The following CDH15 variants were observed in gnomAD, a reference collection of about 807,000 sequenced individuals.
CDH15 encodes cadherin-15.
Under a neutral mutation model 69.4 loss-of-function variants are expected in CDH15, and 73 were observed. That is an observed-to-expected ratio of 1.05 (90% CI 0.87 to 1.28). CDH15 has a LOEUF of 1.28. CDH15 is among the 50% of genes most tolerant of loss of function. The probability of loss-of-function intolerance (pLI) is 0.00; values close to 1 mark genes in which losing one functional copy is unlikely to be tolerated. For synonymous variants in CDH15, 624 were observed against 507.7 expected, an observed-to-expected ratio of 1.23 and a Z score of -3.08; for missense variants, 1,343 against 1,133.6, an observed-to-expected ratio of 1.18 and a Z score of -2.65.
chr16:89,179,821 G>A (rs1229589555), intron 2 of CDH15, among the ~76,000 whole-genome samples: 2 of 152,342 alleles, frequency 1.3e-5, no homozygotes, highest in African/African-American at 2.4e-5. Flanking sequence ...CGCCTCGGGT[G>A]GACATACTCC....
intron 2 of CDH15, 53 bp from the exon 3 acceptor site, chr16:89,180,147 G>A: frequency 1.3e-6 from 2 of 1,599,894 alleles, no homozygotes; most frequent in Non-Finnish European, 1.7e-6. Flanking sequence ...TGCAGAGAGG[G>A]CAGAGGCCCC....
intron 1 of CDH15, among the ~76,000 whole-genome samples, chr16:89,173,811 C>T (rs1255781936): frequency 6.6e-6 from 1 of 152,186 alleles, no homozygotes; most frequent in Non-Finnish European, 1.5e-5. Context: ...CAGAACTGGC[C>T]CCTCTCAGCC....
rs766439028 is a variant in CDH15 at position 89,171,798 on chromosome 16, G to C, written c.-34G>C. 1.3e-6 allele frequency: 2 copies of C among 1,544,966 alleles called. No homozygotes were observed. Among genetic ancestry groups the C allele is most frequent in the Non-Finnish European group, 1.7e-6 (2 of 1,148,380 alleles). ...CCTGGACGCGCTTCTTCGGGTCGCG[G>C]GTGCACTCCGGCCCGGCTCCCGCCT... On this transcript the variant is annotated 5_prime_UTR_variant, in exon 1 of 14. Coordinates refer to ENST00000289746, the MANE Select transcript of CDH15 (RefSeq NM_004933.3).
At chr16:89,183,821 G>T in intron 4 of CDH15, 129 bp downstream of exon 4, 1 of 1,000,438 alleles carries the variant, frequency 1.0e-6, no homozygotes, top group Non-Finnish European at 1.4e-6. Flanking sequence ...AGTCTCCGAG[G>T]CAGGTCCGTT....
At chr16:89,186,510 A>C (rs183449783) in intron 5 of CDH15, among the ~76,000 whole-genome samples, 2,817 of 134,412 alleles carry the variant, frequency 0.021, 55 homozygotes, top group East Asian at 0.074. Flanking sequence ...GTAAACGCTT[A>C]CCCAGCGCAC....
At position 89,180,348 on chromosome 16, in the gene CDH15, G is replaced by A. The variant is rs746803500; in HGVS notation, c.350G>A (p.Arg117His). Reference protein sequence around the residue: ...NAMLDREKTDRFRLRAFALDL... With the variant: ...NAMLDREKTDHFRLRAFALDL... ...ATGCTGGACCGCGAGAAGACTGATC[G>A]CTTCAGGGTGCGGAGCTGCGTGGTC... Residue 117 changes from arginine (R) to histidine (H), a missense_variant, in exon 3 of 14, where the codon CGC becomes CAC. Coordinates refer to ENST00000289746, the MANE Select transcript of CDH15 (RefSeq NM_004933.3). 15 of 1,611,604 alleles carry A rather than the reference G, an allele frequency of 9.3e-6. No individual in the cohort carries two copies. Among genetic ancestry groups the A allele is most frequent in the South Asian group, 6.6e-5 (6 of 90,670 alleles).
intron 7 of CDH15, among the ~76,000 whole-genome samples, chr16:89,189,525 A>T (rs1321939143): frequency 1.3e-5 from 2 of 152,234 alleles, no homozygotes; most frequent in East Asian, 3.8e-4. Context: ...GGAGCCCCCC[A>T]GCCTGAGGAC....
At chr16:89,194,755 C>T (rs1915757923) in intron 13 of CDH15, 107 bp from the exon 14 acceptor site, 6 of 1,172,416 alleles carry the variant, frequency 5.1e-6, no homozygotes, top group Non-Finnish European at 7.4e-6. Flanking sequence ...GCAGCTTCCC[C>T]TTCCTGAGCC....
rs769840107 is a variant in CDH15, at chr16:89,190,518, G to A, written c.1232+22G>A. Reference sequence around the variant, plus strand: ...TCAGGTGGGGCTCCTGAGGCCCTGGGAGAGGTAGAGGAGGCTAACGGCCCC... The same window carrying A: ...TCAGGTGGGGCTCCTGAGGCCCTGGAAGAGGTAGAGGAGGCTAACGGCCCC... On this transcript the variant is annotated intron_variant, in intron 8 of 13. Transcript: ENST00000289746. 9 of 1,576,200 alleles carry A rather than the reference G, an allele frequency of 5.7e-6. No homozygotes were observed. In the South Asian group the frequency reaches 1.0e-4, roughly 18 times the overall value.
chr16:89,172,011 CG>C (rs1433941386), intron 1 of CDH15, 138 bp downstream of exon 1: 1 of 860,564 alleles, frequency 1.2e-6, no homozygotes, highest in African/African-American at 1.7e-5. Context: ...GGAGTGGCTC[CG>C]GGTGGGTCCC....
In CDH15 at chr16:89,185,348, C is replaced by A. The variant is rs199752456; in HGVS notation, c.663+15C>A. The A allele has an allele frequency of 6.3e-7, 1 of 1,588,392 alleles. No individual in the cohort carries two copies. The highest frequency in any genetic ancestry group is 1.7e-5 in the Admixed American group (1 of 57,268). ...TGGACCGCGAGGTGAGGTGGCGCCCCGGCAGCTCCACACCCGCACGGCCAG... is the reference window on the plus strand; with the variant it reads ...TGGACCGCGAGGTGAGGTGGCGCCCAGGCAGCTCCACACCCGCACGGCCAG... On this transcript the variant is annotated intron_variant, in intron 5 of 13. Coordinates refer to ENST00000289746, the MANE Select transcript of CDH15 (RefSeq NM_004933.3).
chr16:89,194,387 G>C (rs1408120513), intron 13 of CDH15, among the ~76,000 whole-genome samples: 2 of 152,216 alleles, frequency 1.3e-5, no homozygotes, highest in African/African-American at 4.8e-5. Context: ...GTAGCACCTG[G>C]CTCAGAGAAA....
At chr16:89,182,126 G>C (rs35472628) in intron 3 of CDH15, among the ~76,000 whole-genome samples, 232 of 7,410 alleles carry the variant, frequency 0.031, 2 homozygotes, top group Non-Finnish European at 0.038. Flanking sequence ...CCCCCAGCCT[G>C]CCCTCCCCCA....
intron 5 of CDH15, among the ~76,000 whole-genome samples, chr16:89,186,519 A>G (rs1339061196): frequency 1.4e-5 from 2 of 139,164 alleles, no homozygotes; most frequent in South Asian, 4.6e-4. Flanking sequence ...TACCCAGCGC[A>G]CAGTAGGTGC....
chr16:89,185,687 C>T (rs1915468359), intron 5 of CDH15: 1 of 362,260 alleles, frequency 2.8e-6, no homozygotes, highest in East Asian at 6.5e-5. Flanking sequence ...TGTCGGACTT[C>T]GGTGCTCCCG....
At chr16:89,176,570 T>C (rs895861093) in intron 1 of CDH15, among the ~76,000 whole-genome samples, 2 of 152,166 alleles carry the variant, frequency 1.3e-5, no homozygotes, top group Non-Finnish European at 2.9e-5. Flanking sequence ...GGAGCTGTTC[T>C]AGGTGTTGGT....
In CDH15 at chr16:89,171,796, C is replaced by T. The variant is rs1253781997; in HGVS notation, c.-36C>T. On this transcript the variant is annotated 5_prime_UTR_variant, in exon 1 of 14. Coordinates refer to ENST00000289746, the MANE Select transcript of CDH15 (RefSeq NM_004933.3). ...AGCCTGGACGCGCTTCTTCGGGTCG[C>T]GGGTGCACTCCGGCCCGGCTCCCGC... 11 of 1,543,098 alleles carry T rather than the reference C, an allele frequency of 7.1e-6. No individual in the cohort carries two copies. Among genetic ancestry groups the T allele is most frequent in the South Asian group, 2.4e-5 (2 of 84,204 alleles).
chr16:89,194,324 G>A (rs1460946682), intron 13 of CDH15, among the ~76,000 whole-genome samples: 1 of 152,328 alleles, frequency 6.6e-6, no homozygotes, highest in East Asian at 1.9e-4. Context: ...TGCACACGGG[G>A]AATCTGGGGT....
intron 12 of CDH15, 70 bp downstream of exon 12, chr16:89,193,676 T>C (rs1423248831): frequency 1.3e-6 from 2 of 1,568,058 alleles, no homozygotes; most frequent in Admixed American, 1.9e-5. Flanking sequence ...TACAACAAGC[T>C]GGCCAGGAGC....
Sources: allele counts gnomAD v4.1 joint callset (sites outside exome capture counted in the v4.1 genomes callset), GRCh38; gene constraint gnomAD v4.1.1; transcripts MANE v1.5; gene names NCBI Gene and HGNC (gene_info 2026-07-23, HGNC 2026-07-21).